Variants in TANGO6 observed in about 807,000 individuals in gnomAD.
TANGO6 encodes transport and Golgi organization protein 6 homolog.
TANGO6 carries 90 observed loss-of-function variants against 114.2 expected under a neutral mutation model. That is an observed-to-expected ratio of 0.79 (90% CI 0.66 to 0.94). The LOEUF is 0.94. Among genes scored for constraint, TANGO6 ranks in the 40% least tolerant of loss-of-function variants. The pLI, the probability that TANGO6 is intolerant of heterozygous loss-of-function variation, is 0.00. For synonymous variants in TANGO6, 477 were observed against 509.8 expected, an observed-to-expected ratio of 0.94 and a Z score of 0.87; for missense variants, 1,274 against 1,315.3, an observed-to-expected ratio of 0.97 and a Z score of 0.49.
chr16:68,924,986 C>T lies in TANGO6; in HGVS notation c.2128-2582C>T, dbSNP rs796750828. On this transcript the variant is annotated intron_variant, in intron 12 of 17. Transcript: ENST00000261778. The stretch of plus-strand genomic sequence containing the variant: ...AGGGATCAAGGTGCTTCTGCCATGC[C>T]CAGGATTGAGAACTCTGTGGATGCA... Among the ~76,000 whole-genome samples, 8 of 151,912 alleles carry T rather than the reference C, an allele frequency of 5.3e-5. 1 individual carries two copies. The highest frequency in any genetic ancestry group is 1.9e-4 in the African/African-American group (8 of 41,436).
chr16:68,991,706 T>C (rs1963947185), intron 15 of TANGO6, among the ~76,000 whole-genome samples: 4 of 152,026 alleles, frequency 2.6e-5, no homozygotes, highest in Admixed American at 2.6e-4. Context: ...TAATCCCAGC[T>C]ACTCGGGAGG....
At chr16:69,039,783 TGAA>T (rs1160967571) in intron 16 of TANGO6, among the ~76,000 whole-genome samples, 3 of 152,242 alleles carry the variant, frequency 2.0e-5, no homozygotes, top group African/African-American at 7.2e-5. Context: ...CTGGACATGC[TGAA>T]GAAGATCAGT....
chr16:68,949,535 C>T (rs1567546695), intron 14 of TANGO6, among the ~76,000 whole-genome samples: 4 of 151,784 alleles, frequency 2.6e-5, no homozygotes, highest in East Asian at 1.9e-4. Flanking sequence ...GCAGGAGAAT[C>T]GCTTGAACCC....
chr16:68,901,798 G>C (rs1962789226), intron 8 of TANGO6, among the ~76,000 whole-genome samples: 1 of 151,998 alleles, frequency 6.6e-6, no homozygotes, highest in South Asian at 2.1e-4. Context: ...TCTTGTTTTT[G>C]TTTTAAAACT....
At chr16:69,067,536 A>AAAAAAAAAAAAG in intron 17 of TANGO6, among the ~76,000 whole-genome samples, 1 of 140,644 alleles carries the variant, frequency 7.1e-6, no homozygotes, top group Non-Finnish European at 1.5e-5. Flanking sequence ...AAAAAAAAAA[A>AAAAAAAAAAAAG]ACGCTGGGCG....
chr16:68,983,762 G>A (rs1002355254), intron 15 of TANGO6, among the ~76,000 whole-genome samples: 2 of 152,096 alleles, frequency 1.3e-5, no homozygotes, highest in Non-Finnish European at 2.9e-5. Context: ...GGCCGGGCGC[G>A]GTGGCTCATG....
chr16:69,046,609 C>T (rs1032252826), intron 17 of TANGO6, among the ~76,000 whole-genome samples: 9 of 151,754 alleles, frequency 5.9e-5, no homozygotes, highest in Non-Finnish European at 7.4e-5. Context: ...CATGAGCCAC[C>T]GCACCTGGCC....
intron 3 of TANGO6, 117 bp from the exon 4 acceptor site, chr16:68,866,962 A>C: frequency 1.6e-5 from 15 of 951,242 alleles, no homozygotes; most frequent in Non-Finnish European, 2.1e-5. Flanking sequence ...TCTGCATATC[A>C]TAGCTATTTC....
chr16:69,043,530 C>T (rs922516392), intron 17 of TANGO6, among the ~76,000 whole-genome samples: 2 of 152,136 alleles, frequency 1.3e-5, no homozygotes, highest in Non-Finnish European at 2.9e-5. Flanking sequence ...CTAGTCTGCA[C>T]TCACTGAAAC....
At chr16:68,992,236 G>A (rs986055974) in intron 15 of TANGO6, among the ~76,000 whole-genome samples, 21 of 152,120 alleles carry the variant, frequency 1.4e-4, no homozygotes, top group African/African-American at 4.6e-4. Flanking sequence ...ATAAGAATTC[G>A]ACATATGGAC....
chr16:68,996,008 A>G (rs563351577), intron 15 of TANGO6, among the ~76,000 whole-genome samples: 2 of 152,322 alleles, frequency 1.3e-5, no homozygotes, highest in African/African-American at 4.8e-5. Context: ...ACAAATGCAC[A>G]CAGCATTGTT....
chr16:69,083,085 G>A (rs1425607428), intron 17 of TANGO6, among the ~76,000 whole-genome samples: 1 of 147,812 alleles, frequency 6.8e-6, no homozygotes, highest in Non-Finnish European at 1.5e-5. Flanking sequence ...AGATGGCCAT[G>A]CATTATCTTC....
chr16:69,017,037 C>T (rs901250908), intron 15 of TANGO6, among the ~76,000 whole-genome samples: 3 of 151,812 alleles, frequency 2.0e-5, no homozygotes, highest in East Asian at 1.9e-4. Flanking sequence ...TGGAAGTAAA[C>T]GAAGACTGAA....
chr16:68,860,277 C>A lies in TANGO6; in HGVS notation c.488C>A (p.Pro163His). ...VTLGICPYLM[P>H]GVGVPLRYRT... is the part of the protein sequence containing the mutation. Reference sequence around the variant, plus strand: ...TTGGGTATCTGCCCCTATCTCATGCCTGGTGTTGGAGTCCCTTTGAGATAT... The same window carrying A: ...TTGGGTATCTGCCCCTATCTCATGCATGGTGTTGGAGTCCCTTTGAGATAT... The change falls in exon 2 of 18, where the codon CCT (proline) becomes CAT (histidine). Residue 163 changes from proline to histidine, a missense_variant. Physicochemically the swap from Pro to His is moderately conservative, Grantham distance 77. Coordinates refer to ENST00000261778, the MANE Select transcript of TANGO6 (RefSeq NM_024562.2). The A allele has an allele frequency of 6.2e-7, 1 of 1,613,954 alleles. No individual in the cohort carries two copies. The highest frequency in any genetic ancestry group is 8.5e-7 in the Non-Finnish European group (1 of 1,179,892).
chr16:68,917,244 AT>A (rs1963018806), intron 11 of TANGO6, among the ~76,000 whole-genome samples: 1 of 152,030 alleles, frequency 6.6e-6, no homozygotes, highest in East Asian at 1.9e-4. Context: ...TTGATTGCCC[AT>A]TTTTTGGTGC....
rs1484662930 is a variant in TANGO6 at position 68,867,189 on chromosome 16, A to T, written c.963A>T (p.Ala321=). The change falls in exon 4 of 18, where the codon GCA becomes GCT. Residue 321 remains alanine, a synonymous_variant. Coordinates refer to ENST00000261778, the MANE Select transcript of TANGO6 (RefSeq NM_024562.2). ...ERLMRPNGVQ[A]VVRGILEGAG... The stretch of plus-strand genomic sequence containing the variant: ...TAATGAGACCTAATGGTGTTCAGGC[A>T]GTAGTCCGGGGCATTTTGGAAGGAG... 6.2e-7 allele frequency: 1 copy of T among 1,613,906 alleles called. No homozygotes were observed. Among genetic ancestry groups the T allele is most frequent in the Admixed American group, 1.7e-5 (1 of 59,986 alleles).
At chr16:68,896,518 C>T (rs951297733) in intron 7 of TANGO6, among the ~76,000 whole-genome samples, 2 of 151,932 alleles carry the variant, frequency 1.3e-5, no homozygotes, top group African/African-American at 4.8e-5. Flanking sequence ...GCTATGTTGC[C>T]CAGGCTGGTC....
chr16:68,859,879 A>G lies in TANGO6; in HGVS notation c.95-5A>G, dbSNP rs1457098116. 1.7e-5 allele frequency: 26 copies of G among 1,544,448 alleles called. No homozygotes were observed. Among genetic ancestry groups the G allele is most frequent in the Admixed American group, 2.1e-5 (1 of 47,414 alleles). On this transcript the variant is annotated splice_polypyrimidine_tract_variant and splice_region_variant and intron_variant, in intron 1 of 17. Coordinates refer to ENST00000261778, the MANE Select transcript of TANGO6 (RefSeq NM_024562.2). ...ATAAACTCTCCTTTTTTTCTTCTTC[A>G]AAAGGCTCGGGCTCAAGTTCACTAC...
At chr16:68,894,031 G>A (rs1450247321) in intron 7 of TANGO6, among the ~76,000 whole-genome samples, 1 of 152,162 alleles carries the variant, frequency 6.6e-6, no homozygotes, top group Non-Finnish European at 1.5e-5. Context: ...AGTCCATACT[G>A]TCACCAGTCC....
Sources: allele counts gnomAD v4.1 joint callset (sites outside exome capture counted in the v4.1 genomes callset), GRCh38; gene constraint gnomAD v4.1.1; transcripts MANE v1.5; gene names NCBI Gene and HGNC (gene_info 2026-07-23, HGNC 2026-07-21).